RCC1: variants seen among roughly 807,000 people sequenced by gnomAD.
RCC1 encodes regulator of chromosome condensation.
RCC1 carries 11 observed loss-of-function variants against 44.4 expected under a neutral mutation model. That is an observed-to-expected ratio of 0.25 (90% CI 0.16 to 0.41). The LOEUF is 0.41. Ranked by LOEUF, RCC1 falls within the 10% of genes least tolerant of loss-of-function variation. RCC1 has a pLI of 1.00. For missense variants in RCC1, 386 were observed against 547.1 expected (o/e 0.71, Z 2.94); for synonymous variants, 213 against 216.5 (o/e 0.98, Z 0.14).
Position 28,531,898 on chromosome 1 carries a change from A to G in RCC1, c.169A>G (p.Arg57Gly). The change falls in exon 6 of 13, where the codon AGG becomes GGG. Residue 57 changes from arginine (R) to glycine (G), a missense_variant. Coordinates refer to ENST00000683442, the MANE Select transcript of RCC1 (RefSeq NM_001381865.2). ...QLGLGENVME[R>G]KKPALVSIPE... Reference sequence around the variant, plus strand: ...GGGGCTGGGTGAGAATGTGATGGAGAGGAAGAAGCCGGCCCTGGTATCCAT... The same window carrying G: ...GGGGCTGGGTGAGAATGTGATGGAGGGGAAGAAGCCGGCCCTGGTATCCAT... The G allele has an allele frequency of 6.2e-7, 1 of 1,609,618 alleles. No individual in the cohort carries two copies. The highest frequency in any genetic ancestry group is 1.1e-5 in the South Asian group (1 of 90,442).
Position 28,529,875 on chromosome 1 carries a change from C to A in RCC1, c.9C>A (p.Pro3=). 1 of 1,613,996 alleles carries A rather than the reference C, an allele frequency of 6.2e-7. No homozygotes were observed. Among genetic ancestry groups the A allele is most frequent in the Non-Finnish European group, 8.5e-7 (1 of 1,179,958 alleles). The change falls in exon 5 of 13, where the codon CCC becomes CCA. Residue 3 remains proline, a synonymous_variant. Transcript: ENST00000683442. The part of the protein sequence containing the change: MS[P]KRIAKRRSPP... The stretch of plus-strand genomic sequence containing the variant: ...ACTTTCAGGACAGGAAGATGTCACC[C>A]AAGCGCATAGCTAAAAGAAGGTCCC...
At chr1:28,537,318 A>G (rs2853731) in intron 12 of RCC1, among the ~76,000 whole-genome samples, 4,280 of 152,232 alleles carry the variant, frequency 0.028, 220 homozygotes, top group African/African-American at 0.097. Flanking sequence ...TCAGAGTTGT[A>G]GCAACTATAG....
intron 1 of RCC1, chr1:28,507,699 T>C: frequency 2.7e-6 from 1 of 364,636 alleles, no homozygotes; most frequent in Non-Finnish European, 5.3e-6. Context: ...GTTCAAGTGA[T>C]TATGCTAAGT....
At position 28,534,905 on chromosome 1, in the gene RCC1, TA is replaced by T. The variant is rs2124667162; in HGVS notation, c.442-142del. 4.4e-6 allele frequency: 3 copies of T among 682,018 alleles called. No individual in the cohort carries two copies. In the South Asian group the frequency reaches 5.0e-5, roughly 11 times the overall value. The allele number at this position is 682,018 out of a possible 1,614,324, so 42.2% of individuals were successfully genotyped here. A position where few individuals can be genotyped will look rare whatever the true frequency, so the allele number is the denominator to read the frequency against. The stretch of plus-strand genomic sequence containing the variant: ...TTATTTTAATGCAAGTCGCAGACCA[TA>T]AATGATTTCATTCATAAGTATTTGA... On this transcript the variant is annotated intron_variant, in intron 7 of 12. Transcript: ENST00000683442.
At chr1:28,507,484 G>A (rs374602039) in intron 1 of RCC1, 12 of 518,992 alleles carry the variant, frequency 2.3e-5, no homozygotes, top group African/African-American at 1.9e-4. Context: ...AAATAAAGCT[G>A]GGCCTCGTGT....
intron 1 of RCC1, chr1:28,506,395 G>C: frequency 2.8e-6 from 1 of 356,538 alleles, no homozygotes; most frequent in Non-Finnish European, 5.5e-6. Flanking sequence ...ATGTTGGTCA[G>C]GCTGGTTTTG....
intron 5 of RCC1, 58 bp from the exon 6 acceptor site, chr1:28,531,745 G>C: frequency 7.1e-7 from 1 of 1,413,282 alleles, no homozygotes; most frequent in Middle Eastern, 2.2e-4. Flanking sequence ...CAGAGCCTGT[G>C]ACCTCTCCTC....
chr1:28,511,387 C>T (rs915967030), intron 3 of RCC1, among the ~76,000 whole-genome samples: 1 of 149,068 alleles, frequency 6.7e-6, no homozygotes, highest in African/African-American at 2.5e-5. Context: ...ATACAGTATC[C>T]AATTTTTTGT....
intron 5 of RCC1, among the ~76,000 whole-genome samples, chr1:28,531,361 G>C (rs61785985): frequency 0.047 from 6,650 of 142,546 alleles, 206 homozygotes; most frequent in Non-Finnish European, 0.073. Context: ...CCGCCTCCCA[G>C]GTTCAAGTGA....
At chr1:28,531,636 G>A (rs1031926612) in intron 5 of RCC1, among the ~76,000 whole-genome samples, 167 bp from the exon 6 acceptor site, 1 of 129,194 alleles carries the variant, frequency 7.7e-6, no homozygotes, top group Non-Finnish European at 1.6e-5. Context: ...TGTGAGAGAG[G>A]TACTTTTGTT....
chr1:28,506,298 C>T (rs1661920247), intron 1 of RCC1: 2 of 438,188 alleles, frequency 4.6e-6, no homozygotes, highest in Non-Finnish European at 4.5e-6. Context: ...GATTCTCGTG[C>T]CTCAGCCTCT....
chr1:28,511,403 GT>G (rs201429762), intron 3 of RCC1, among the ~76,000 whole-genome samples: 33,037 of 141,054 alleles, frequency 0.23, 3,439 homozygotes, highest in Middle Eastern at 0.33. Flanking sequence ...TTTGTTTTTT[GT>G]TTTTTTTTTT....
At chr1:28,519,097 T>A (rs548428671) in intron 4 of RCC1, 7 of 152,578 alleles carry the variant, frequency 4.6e-5, no homozygotes, top group African/African-American at 1.7e-4. Context: ...CAGGGATGGC[T>A]TTCCAGGTGA....
intron 3 of RCC1, among the ~76,000 whole-genome samples, chr1:28,515,945 G>C (rs1472976396): frequency 1.3e-5 from 2 of 152,012 alleles, no homozygotes; most frequent in East Asian, 3.9e-4. Context: ...ACTTTGGTAG[G>C]CTGAGGCGGG....
chr1:28,522,418 C>T (rs1557872787), intron 4 of RCC1, among the ~76,000 whole-genome samples: 1 of 152,046 alleles, frequency 6.6e-6, no homozygotes, highest in East Asian at 1.9e-4. Flanking sequence ...ACCTCTAATA[C>T]CCAGCTAAGA....
At chr1:28,529,984 A>C in intron 5 of RCC1, 45 bp downstream of exon 5, 1 of 1,467,742 alleles carries the variant, frequency 6.8e-7, no homozygotes, top group Non-Finnish European at 9.5e-7. Flanking sequence ...GGCCCCTTGA[A>C]ACCCTAAGAA....
At chr1:28,507,452 A>C in intron 1 of RCC1, 1 of 519,012 alleles carries the variant, frequency 1.9e-6, no homozygotes, top group Non-Finnish European at 3.8e-6. Flanking sequence ...CATGATGTAC[A>C]AGTCCCTTTC....
intron 3 of RCC1, chr1:28,510,089 G>A (rs1325951017): frequency 1.3e-5 from 2 of 152,226 alleles, no homozygotes; most frequent in Non-Finnish European, 2.9e-5. Flanking sequence ...GGGACTGAAG[G>A]GGGATCATCT....
At chr1:28,530,659 T>G (rs572855906) in intron 5 of RCC1, 136 of 1,492,220 alleles carry the variant, frequency 9.1e-5, no homozygotes, top group Non-Finnish European at 1.2e-4. Flanking sequence ...CAGCGCGGGC[T>G]CCTCAGCGGT....
Sources: gnomAD v4.1 joint callset for allele counts (sites outside exome capture counted in the v4.1 genomes callset) on GRCh38, gnomAD v4.1.1 for gene constraint, MANE v1.5 for transcripts, NCBI Gene and HGNC (gene_info 2026-07-23, HGNC 2026-07-21) for gene names.